Variants in NKAIN2 observed in about 807,000 individuals in gnomAD.
The protein encoded by NKAIN2 is sodium/potassium-transporting ATPase subunit beta-1-interacting protein 2.
In NKAIN2, 14 loss-of-function variants were observed where a neutral mutation model predicts 32.6. The observed-to-expected ratio is 0.43, with a 90% CI of 0.28 to 0.67. NKAIN2 has a LOEUF of 0.67. Among genes scored for constraint, NKAIN2 ranks in the 30% least tolerant of loss-of-function variants. The probability of loss-of-function intolerance (pLI) is 0.17; values close to 1 mark genes in which losing one functional copy is unlikely to be tolerated. For synonymous variants in NKAIN2, 80 were observed against 87.2 expected (o/e 0.92, Z 0.46); for missense variants, 198 against 258.3 (o/e 0.77, Z 1.60).
intron 1 of NKAIN2, among the ~76,000 whole-genome samples, chr6:124,156,182 C>T (rs982803365): frequency 6.6e-6 from 1 of 152,066 alleles, no homozygotes; most frequent in Admixed American, 6.6e-5. Context: ...GAACAGAAAG[C>T]AGGTCACTAG....
At chr6:124,293,781 T>A (rs1795924301) in intron 2 of NKAIN2, among the ~76,000 whole-genome samples, 1 of 152,186 alleles carries the variant, frequency 6.6e-6, no homozygotes, top group Admixed American at 6.6e-5. Flanking sequence ...TTTGCTCATT[T>A]CATGTATTAA....
At chr6:123,867,516 A>G (rs1482539485) in intron 1 of NKAIN2, among the ~76,000 whole-genome samples, 1 of 152,226 alleles carries the variant, frequency 6.6e-6, no homozygotes, top group Non-Finnish European at 1.5e-5. Context: ...TGAGAATAAA[A>G]GTATTTACTT....
At chr6:124,430,156 G>A (rs2114561430) in intron 3 of NKAIN2, among the ~76,000 whole-genome samples, 1 of 152,226 alleles carries the variant, frequency 6.6e-6, no homozygotes, top group African/African-American at 2.4e-5. Context: ...ATTCCTTGAG[G>A]AAATTTACAA....
At chr6:124,030,622 A>C (rs1281330325) in intron 1 of NKAIN2, among the ~76,000 whole-genome samples, 1 of 152,216 alleles carries the variant, frequency 6.6e-6, no homozygotes, top group Non-Finnish European at 1.5e-5. Context: ...AGACTCTGTT[A>C]TCACTTAAGA....
At chr6:124,587,984 A>G (rs182987727) in intron 3 of NKAIN2, among the ~76,000 whole-genome samples, 54 of 152,032 alleles carry the variant, frequency 3.6e-4, no homozygotes, top group Admixed American at 2.8e-3. Context: ...CTAAATCACC[A>G]TCTCTAGAAA....
chr6:123,809,587 C>G (rs1256966354), intron 1 of NKAIN2, among the ~76,000 whole-genome samples: 2 of 152,084 alleles, frequency 1.3e-5, no homozygotes, highest in Non-Finnish European at 2.9e-5. Context: ...TACTGCTGTG[C>G]ACATGTGCGC....
At chr6:124,058,245 A>G (rs1336856118) in intron 1 of NKAIN2, among the ~76,000 whole-genome samples, 1 of 149,462 alleles carries the variant, frequency 6.7e-6, no homozygotes, top group African/African-American at 2.5e-5. Context: ...TAACTCAGTT[A>G]TAATTTCTAT....
At chr6:124,317,475 A>G (rs1017101278) in intron 2 of NKAIN2, among the ~76,000 whole-genome samples, 7 of 152,090 alleles carry the variant, frequency 4.6e-5, no homozygotes, top group African/African-American at 1.7e-4. Context: ...TATATTAAAG[A>G]CAGGATGGGA....
intron 2 of NKAIN2, among the ~76,000 whole-genome samples, chr6:124,351,033 C>G (rs1297193498): frequency 6.6e-6 from 1 of 151,998 alleles, no homozygotes; most frequent in Non-Finnish European, 1.5e-5. Flanking sequence ...AAAAGTAACT[C>G]ATAAAACAAG....
intron 3 of NKAIN2, among the ~76,000 whole-genome samples, chr6:124,410,007 G>A (rs1562164905): frequency 6.6e-6 from 1 of 152,220 alleles, no homozygotes; most frequent in South Asian, 2.1e-4. Context: ...TTCTCTGATG[G>A]TAGTTTGTAT....
chr6:123,809,616 G>A (rs963265454), intron 1 of NKAIN2, among the ~76,000 whole-genome samples: 4 of 151,900 alleles, frequency 2.6e-5, no homozygotes, highest in African/African-American at 7.3e-5. Context: ...AATTTGTTAC[G>A]CTTTTTCTTT....
In NKAIN2 at chr6:123,988,593, TA is replaced by T. The variant is rs1256109005; in HGVS notation, c.54+184341del. ...TGCTTCTGGTAGTTGACTGCTATCT[TA>T]ATAATTCCCTGTACCTCTTAAAGAC... On this transcript the variant is annotated intron_variant, in intron 1 of 6. Coordinates refer to ENST00000368417, the MANE Select transcript of NKAIN2 (RefSeq NM_001040214.3). Among the ~76,000 whole-genome samples the T allele has an allele frequency of 4.6e-5, 7 of 152,324 alleles. No individual in the cohort carries two copies. The South Asian group carries it at 1.0e-3, about 23-fold the overall frequency.
chr6:124,500,235 TG>T (rs1240435455), intron 3 of NKAIN2, among the ~76,000 whole-genome samples: 2 of 152,206 alleles, frequency 1.3e-5, no homozygotes, highest in African/African-American at 4.8e-5. Flanking sequence ...CAATAGCCTG[TG>T]AGTAAAGCCA....
intron 2 of NKAIN2, among the ~76,000 whole-genome samples, chr6:124,348,913 C>A (rs568324606): frequency 1.3e-5 from 2 of 152,094 alleles, no homozygotes; most frequent in South Asian, 2.1e-4. Context: ...GCTTTTCCGA[C>A]GGGCTTAAAA....
intron 1 of NKAIN2, among the ~76,000 whole-genome samples, chr6:123,916,082 C>T (rs1172637356): frequency 6.6e-6 from 1 of 152,032 alleles, no homozygotes; most frequent in African/African-American, 2.4e-5. Context: ...CTGAACACTT[C>T]TAGAAAATTT....
chr6:123,987,596 T>G (rs1265247061), intron 1 of NKAIN2, among the ~76,000 whole-genome samples: 2 of 152,186 alleles, frequency 1.3e-5, no homozygotes, highest in African/African-American at 2.4e-5. Context: ...TCTGAGCTCA[T>G]GTGATTGTAG....
chr6:124,638,170 G>A (rs1783843356), intron 3 of NKAIN2, among the ~76,000 whole-genome samples: 1 of 152,016 alleles, frequency 6.6e-6, no homozygotes, highest in South Asian at 2.1e-4. Context: ...AGAAAGAATC[G>A]GCTCTTCAAT....
intron 1 of NKAIN2, among the ~76,000 whole-genome samples, chr6:123,815,399 T>C (rs6903781): frequency 0.13 from 20,088 of 152,196 alleles, 2,850 homozygotes; most frequent in African/African-American, 0.35. Flanking sequence ...TCATATTATC[T>C]AGCATTTGAT....
intron 1 of NKAIN2, among the ~76,000 whole-genome samples, chr6:124,228,737 G>A (rs758482529): frequency 6.6e-6 from 1 of 152,040 alleles, no homozygotes; most frequent in Admixed American, 6.6e-5. Flanking sequence ...TTTTACTACA[G>A]GTCTATTGCC....
Sources: gnomAD v4.1 joint callset for allele counts (sites outside exome capture counted in the v4.1 genomes callset) on GRCh38, gnomAD v4.1.1 for gene constraint, MANE v1.5 for transcripts, NCBI Gene and HGNC (gene_info 2026-07-23, HGNC 2026-07-21) for gene names.